The following DZIP1 variants were observed in gnomAD, a reference collection of about 807,000 sequenced individuals.
DZIP1 encodes cilium assembly protein DZIP1.
DZIP1 carries 97 observed loss-of-function variants against 107.6 expected under a neutral mutation model. The ratio of observed to expected loss-of-function variants is 0.90; its 90% confidence interval spans 0.77 to 1.07. The LOEUF (loss-of-function observed/expected upper bound fraction) is 1.07, where lower values mean the gene tolerates loss of function less well. Among genes scored for constraint, DZIP1 ranks in the 50% least tolerant of loss-of-function variants. DZIP1 has a pLI of 0.00. For synonymous variants in DZIP1, 390 were observed against 386.4 expected, an observed-to-expected ratio of 1.01 and a Z score of -0.11; for missense variants, 1,035 against 1,063.6, an observed-to-expected ratio of 0.97 and a Z score of 0.37.
intron 14 of DZIP1, among the ~76,000 whole-genome samples, chr13:95,605,507 C>A (rs1362060049): frequency 2.6e-5 from 4 of 152,192 alleles, no homozygotes; most frequent in Non-Finnish European, 4.4e-5. Context: ...ATGATTTCAC[C>A]CAGTGGTTCC....
intron 22 of DZIP1, among the ~76,000 whole-genome samples, chr13:95,583,120 A>G (rs2044055215): frequency 6.6e-6 from 1 of 152,114 alleles, no homozygotes. Flanking sequence ...GGGTGGAGAC[A>G]TGCAGGTATT....
intron 6 of DZIP1, among the ~76,000 whole-genome samples, chr13:95,630,370 G>A (rs1233769789): frequency 1.3e-5 from 2 of 152,074 alleles, no homozygotes; most frequent in Non-Finnish European, 2.9e-5. Flanking sequence ...AGATACATGA[G>A]AGCCCTCTTC....
chr13:95,624,444 A>G (rs1001682821), intron 8 of DZIP1, among the ~76,000 whole-genome samples: 4 of 152,220 alleles, frequency 2.6e-5, no homozygotes, highest in Non-Finnish European at 5.9e-5. Context: ...CCCACTGGAC[A>G]ATGGAAAGTT....
In DZIP1 at chr13:95,641,957, A is replaced by ATCCCCGTCGGGGGCGCCCCGGCC; in HGVS notation, c.36+14_36+36dup. On this transcript the variant is annotated intron_variant, in intron 4 of 22. Transcript: ENST00000376829. The surrounding 1 kb of genome is among the most constrained non-coding windows in gnomAD (Gnocchi z 4.3). ...AAGCCCCGGTTCTCCCCAGCCCGGC[A>ATCCCCGTCGGGGGCGCCCCGGCC]TCCCCGTCGGGGGCGCCCCGGCCTC... 6.4e-7 allele frequency: 1 copy of ATCCCCGTCGGGGGCGCCCCGGCC among 1,564,062 alleles called. No individual in the cohort carries two copies. The highest frequency in any genetic ancestry group is 1.4e-5 in the African/African-American group (1 of 70,408).
intron 10 of DZIP1, among the ~76,000 whole-genome samples, chr13:95,613,602 G>A (rs552229631): frequency 6.6e-6 from 1 of 152,250 alleles, no homozygotes; most frequent in Admixed American, 6.5e-5. Context: ...AAATAAAGGA[G>A]CAGGAAGTGT....
Position 95,590,393 on chromosome 13 carries a change from C to T in DZIP1, c.1729G>A (p.Val577Met), listed in dbSNP as rs771429322. 1.9e-6 allele frequency: 3 copies of T among 1,613,698 alleles called. No homozygotes were observed. Among genetic ancestry groups the T allele is most frequent in the Non-Finnish European group, 2.5e-6 (3 of 1,179,924 alleles). Residue 577 changes from valine to methionine, a missense_variant, in exon 17 of 23, where the codon GTG becomes ATG. By Grantham distance (21) the Val-to-Met change is conservative. Transcript: ENST00000376829. ...TCTTGCTTATGTCTTTCTGATTCCA[C>T]ACTTTTTAGTACTCTATGCAACTGA... ...SDQLHRVLKS[V>M]ESERHKQERE...
intron 7 of DZIP1, among the ~76,000 whole-genome samples, chr13:95,629,027 T>C (rs1042730354): frequency 1.3e-5 from 2 of 152,178 alleles, no homozygotes; most frequent in Non-Finnish European, 2.9e-5. Context: ...TATATTACAA[T>C]TTAAAAAGAA....
At chr13:95,605,930 C>A in intron 14 of DZIP1, 73 bp downstream of exon 14, 2 of 1,460,570 alleles carry the variant, frequency 1.4e-6, no homozygotes, top group Admixed American at 1.8e-5. Flanking sequence ...CACATAATCA[C>A]TTTTGGTTAA....
At chr13:95,595,435 G>A (rs1834342442) in intron 15 of DZIP1, among the ~76,000 whole-genome samples, 1 of 152,184 alleles carries the variant, frequency 6.6e-6, no homozygotes, top group Admixed American at 6.5e-5. Flanking sequence ...TTGCTAAGCT[G>A]AAGTGATAAA....
intron 5 of DZIP1, among the ~76,000 whole-genome samples, 178 bp from the exon 6 acceptor site, chr13:95,633,499 A>G (rs1414836800): frequency 6.6e-6 from 1 of 151,858 alleles, no homozygotes; most frequent in African/African-American, 2.4e-5. Flanking sequence ...CCTGGCCAAC[A>G]TGATGAAACC....
chr13:95,642,747 T>C (rs981262744), intron 3 of DZIP1, among the ~76,000 whole-genome samples: 42 of 152,346 alleles, frequency 2.8e-4, no homozygotes, highest in Admixed American at 2.6e-4. Context: ...ATTTTTATTA[T>C]ATCTCAATAA....
rs1566394337 is a variant in DZIP1, at chr13:95,612,162, C to G, written c.1189G>C (p.Glu397Gln). ...KEKGRLLSHI[E>Q]KLRTSMIDDL... ...TCTATCATTGAGGTTCGAAGTTTCT[C>G]TATATGTGACAGGAGCTGAAAAAAA... The change falls in exon 11 of 23, where the codon GAG becomes CAG. Residue 397 changes from glutamate to glutamine, a missense_variant. By Grantham distance (29) the Glu-to-Gln change is conservative. Coordinates refer to ENST00000376829, the MANE Select transcript of DZIP1 (RefSeq NM_198968.4). 1 of 1,611,126 alleles carries G rather than the reference C, an allele frequency of 6.2e-7. No homozygotes were observed. The highest frequency in any genetic ancestry group is 1.3e-5 in the African/African-American group (1 of 74,946).
At chr13:95,603,677 C>T (rs1290895219) in intron 14 of DZIP1, among the ~76,000 whole-genome samples, 4 of 152,122 alleles carry the variant, frequency 2.6e-5, no homozygotes, top group Non-Finnish European at 4.4e-5. Context: ...GAAAATACTA[C>T]AAAAATTTAT....
intron 13 of DZIP1, among the ~76,000 whole-genome samples, chr13:95,606,984 G>T (rs1321608119): frequency 6.6e-6 from 1 of 152,062 alleles, no homozygotes; most frequent in East Asian, 1.9e-4. Flanking sequence ...CTTTTATCAA[G>T]ACAGACTTTT....
In DZIP1 at chr13:95,641,268, GAAT is replaced by G. The variant is rs758224055; in HGVS notation, c.597+24_597+26del. 6.5e-7 allele frequency: 1 copy of G among 1,543,840 alleles called. No homozygotes were observed. Among genetic ancestry groups the G allele is most frequent in the Non-Finnish European group, 8.8e-7 (1 of 1,141,338 alleles). ...GGAACTGAGTTGTTTACTGGATTAT[GAAT>G]CGTGCTCACACACAGCTGCCCACCT... is the stretch of plus-strand genomic sequence containing the variant. On this transcript the variant is annotated intron_variant, in intron 5 of 22. Transcript: ENST00000376829. This position sits in a 1 kb window ranked among gnomAD's most constrained non-coding sequence, Gnocchi z 4.3.
At chr13:95,634,262 G>A (rs1877541282) in intron 5 of DZIP1, among the ~76,000 whole-genome samples, 1 of 152,182 alleles carries the variant, frequency 6.6e-6, no homozygotes, top group South Asian at 2.1e-4. Flanking sequence ...CATCTTCCAC[G>A]CTGAGGATGA....
intron 7 of DZIP1, among the ~76,000 whole-genome samples, chr13:95,628,818 A>AAT (rs1206058184): frequency 6.6e-6 from 1 of 152,184 alleles, no homozygotes; most frequent in Non-Finnish European, 1.5e-5. Flanking sequence ...CATTCATATG[A>AAT]GGTATCTAGA....
chr13:95,587,106 C>T (rs947059324), intron 20 of DZIP1, among the ~76,000 whole-genome samples: 2 of 152,128 alleles, frequency 1.3e-5, no homozygotes, highest in South Asian at 2.1e-4. Flanking sequence ...CTTATACAAA[C>T]GAGACATCTG....
chr13:95,620,889 C>A (rs991082574), intron 9 of DZIP1, among the ~76,000 whole-genome samples: 2 of 152,200 alleles, frequency 1.3e-5, no homozygotes, highest in Non-Finnish European at 2.9e-5. Flanking sequence ...CTACAGCCTG[C>A]TGGAAGCAAC....
Sources: allele counts gnomAD v4.1 joint callset (sites outside exome capture counted in the v4.1 genomes callset), GRCh38; gene constraint gnomAD v4.1.1; non-coding constraint Gnocchi (gnomAD v3.1); transcripts MANE v1.5; gene names NCBI Gene and HGNC (gene_info 2026-07-23, HGNC 2026-07-21).